The following LIN7C variants were observed in gnomAD, a reference collection of about 807,000 sequenced individuals.
The protein encoded by LIN7C is protein lin-7 homolog C.
In LIN7C, 17 loss-of-function variants were observed where a neutral mutation model predicts 24.7. The ratio of observed to expected loss-of-function variants is 0.69; its 90% CI spans 0.47 to 1.03. The LOEUF is 1.03. LIN7C is among the 50% of genes least tolerant of loss of function. LIN7C has a pLI of 0.00. For synonymous variants in LIN7C, 90 were observed against 83.4 expected, an observed-to-expected ratio of 1.08 and a Z score of -0.43; for missense variants, 204 against 239.0, an observed-to-expected ratio of 0.85 and a Z score of 0.97.
chr11:27,499,529 G>A lies in LIN7C; in HGVS notation c.268C>T (p.His90Tyr). The A allele has an allele frequency of 6.2e-7, 1 of 1,614,192 alleles. No homozygotes were observed. The highest frequency in any genetic ancestry group is 8.5e-7 in the Non-Finnish European group (1 of 1,180,040). Residue 90 changes from histidine (H) to tyrosine (Y), a missense_variant, in exon 4 of 5, where the codon CAT becomes TAT. By Grantham distance (83) the His-to-Tyr change is moderately conservative (BLOSUM62 2). Around this residue, in one of 3 missense-constraint regions of LIN7C, gnomAD observed 126 missense variants for 117.8 expected, o/e 1.07. Transcript: ENST00000278193. ...TTTGGTAGCTCAACAACTCGAGGAT[G>A]AGAATGTCCTTCACTGGCAGCAAAT... Reference protein sequence around the residue: ...AAFAASEGHSHPRVVELPKTE... With the variant: ...AAFAASEGHSYPRVVELPKTE...
intron 1 of LIN7C, 31 bp from the exon 2 acceptor site, chr11:27,501,951 C>T: frequency 1.4e-6 from 2 of 1,404,490 alleles, no homozygotes. Context: ...AGATAATTTT[C>T]TCCAAGGGTT....
intron 4 of LIN7C, 53 bp from the exon 5 acceptor site, chr11:27,498,857 A>G: frequency 6.7e-7 from 1 of 1,501,370 alleles, no homozygotes; most frequent in Non-Finnish European, 9.1e-7. Flanking sequence ...TTTTGAAAGT[A>G]ACTCAAAATG....
chr11:27,496,445 C>T lies in LIN7C; in HGVS notation c.*2204G>A, dbSNP rs934473877. 6.6e-6 allele frequency: 1 copy of T among 152,168 alleles called. No homozygotes were observed. The highest frequency in any genetic ancestry group is 2.4e-5 in the African/African-American group (1 of 41,432). 9.4% of individuals were successfully genotyped at this position (152,168 alleles called of 1,614,324 possible). On this transcript the variant is annotated 3_prime_UTR_variant, in exon 5 of 5. Transcript: ENST00000278193. ...CTCACTGCACTAAACCACCACTGTA[C>T]ATCTTTGCCAATGAATGACTGTATT...
intron 1 of LIN7C, among the ~76,000 whole-genome samples, chr11:27,505,259 G>A (rs1259131538): frequency 6.6e-6 from 1 of 152,178 alleles, no homozygotes; most frequent in Non-Finnish European, 1.5e-5. Flanking sequence ...TTGAACCCGG[G>A]AGGCAGAGGT....
At chr11:27,506,227 C>A (rs1347554873) in intron 1 of LIN7C, among the ~76,000 whole-genome samples, 2 of 152,210 alleles carry the variant, frequency 1.3e-5, no homozygotes, top group African/African-American at 4.8e-5. Context: ...CTAGCAAATA[C>A]CCCAACCCGA....
intron 1 of LIN7C, among the ~76,000 whole-genome samples, chr11:27,504,603 T>C (rs1287735751): frequency 1.3e-5 from 2 of 152,180 alleles, no homozygotes; most frequent in Non-Finnish European, 2.9e-5. Flanking sequence ...TTGGTAACAG[T>C]GGGGGATTCA....
chr11:27,501,786 A>T lies in LIN7C; in HGVS notation c.156+16T>A. ...ATTAACTCAAATTTTTGTAAATTTT[A>T]ATGATGTTTACTCACCTCTCTCACA... is the stretch of plus-strand genomic sequence containing the variant. On this transcript the variant is annotated intron_variant, in intron 2 of 4. Transcript: ENST00000278193. The T allele has an allele frequency of 6.6e-7, 1 of 1,505,144 alleles. No homozygotes were observed. The highest frequency in any genetic ancestry group is 9.2e-7 in the Non-Finnish European group (1 of 1,090,556). 93.2% of individuals were successfully genotyped at this position (1,505,144 alleles called of 1,614,324 possible). A position where few individuals can be genotyped will look rare whatever the true frequency, so the allele number is the denominator to read the frequency against.
intron 1 of LIN7C, 26 bp from the exon 2 acceptor site, chr11:27,501,946 A>T (rs777056794): frequency 1.4e-6 from 2 of 1,432,376 alleles, no homozygotes; most frequent in Non-Finnish European, 2.0e-6. Context: ...CACACAGATA[A>T]TTTTCTCCAA....
At chr11:27,504,678 T>C (rs780888947) in intron 1 of LIN7C, among the ~76,000 whole-genome samples, 1 of 152,186 alleles carries the variant, frequency 6.6e-6, no homozygotes. Flanking sequence ...TGATATAAAA[T>C]GATATAGTAT....
chr11:27,499,404 A>C lies in LIN7C; in HGVS notation c.393T>G (p.His131Gln). ...RIIPGGIADR[H>Q]GGLKRGDQLL... Reference sequence around the variant, plus strand: ...GTTGATCTCCACGTTTGAGGCCCCCATGTCTATCAGCAATTCCACCTGGAA... The same window carrying C: ...GTTGATCTCCACGTTTGAGGCCCCCCTGTCTATCAGCAATTCCACCTGGAA... The change falls in exon 4 of 5, where the codon CAT becomes CAG. Residue 131 changes from histidine to glutamine, a missense_variant. By Grantham distance (24) the His-to-Gln change is conservative. This residue lies in a region of LIN7C where 74 missense variants were observed against 99.6 expected (regional missense o/e 0.74). Coordinates refer to ENST00000278193, the MANE Select transcript of LIN7C (RefSeq NM_018362.4). 6.2e-7 allele frequency: 1 copy of C among 1,613,982 alleles called. No homozygotes were observed. The highest frequency in any genetic ancestry group is 8.5e-7 in the Non-Finnish European group (1 of 1,179,960).
At chr11:27,504,615 T>C (rs1443039020) in intron 1 of LIN7C, among the ~76,000 whole-genome samples, 1 of 152,210 alleles carries the variant, frequency 6.6e-6, no homozygotes, top group Non-Finnish European at 1.5e-5. Flanking sequence ...GGGGATTCAT[T>C]AGGACCTTCT....
At chr11:27,503,932 C>T (rs2133491193) in intron 1 of LIN7C, among the ~76,000 whole-genome samples, 1 of 152,236 alleles carries the variant, frequency 6.6e-6, no homozygotes, top group Non-Finnish European at 1.5e-5. Flanking sequence ...ATTCTCGTGC[C>T]TCAGTCTCCC....
rs532353717 is a variant in LIN7C at position 27,494,705 on chromosome 11, G to A, written c.*3944C>T. ...CACAAATTTTAAAAGTAGAAGCATAGCATTTGCCAGTTATTTTAAAAAACC... is the reference window on the plus strand; with the variant it reads ...CACAAATTTTAAAAGTAGAAGCATAACATTTGCCAGTTATTTTAAAAAACC... On this transcript the variant is annotated 3_prime_UTR_variant, in exon 5 of 5. Transcript: ENST00000278193. 5 of 152,132 alleles carry A rather than the reference G, an allele frequency of 3.3e-5. No homozygotes were observed. In the East Asian group the frequency reaches 9.6e-4, roughly 29 times the overall value. 9.4% of individuals were successfully genotyped at this position (152,132 alleles called of 1,614,324 possible).
intron 3 of LIN7C, 36 bp from the exon 4 acceptor site, chr11:27,499,604 T>C: frequency 6.4e-7 from 1 of 1,559,032 alleles, no homozygotes; most frequent in Non-Finnish European, 8.8e-7. Context: ...AATATGACTT[T>C]TATTTACTTC....
intron 1 of LIN7C, 149 bp downstream of exon 1, chr11:27,506,567 C>T: frequency 2.5e-6 from 2 of 815,264 alleles, no homozygotes; most frequent in Admixed American, 2.1e-5. Flanking sequence ...TTCCTAGAGC[C>T]AGGCACAGAG....
At position 27,495,296 on chromosome 11, in the gene LIN7C, T is replaced by A. The variant is rs1452092707; in HGVS notation, c.*3353A>T. ...TCCTGGCTAACACGGTGAAACCCCG[T>A]CTCTACTAAAAATACAAAAAAATTA... On this transcript the variant is annotated 3_prime_UTR_variant, in exon 5 of 5. Transcript: ENST00000278193. The A allele has an allele frequency of 6.6e-6, 1 of 152,150 alleles. No individual in the cohort carries two copies. Among genetic ancestry groups the A allele is most frequent in the East Asian group, 1.9e-4 (1 of 5,184 alleles). 9.4% of individuals were successfully genotyped at this position (152,150 alleles called of 1,614,324 possible).
At chr11:27,504,957 G>C (rs984349735) in intron 1 of LIN7C, among the ~76,000 whole-genome samples, 1 of 151,846 alleles carries the variant, frequency 6.6e-6, no homozygotes. Context: ...GAACAGAAAA[G>C]AAATCTGTAA....
At chr11:27,505,533 C>T (rs570646876) in intron 1 of LIN7C, among the ~76,000 whole-genome samples, 3 of 152,286 alleles carry the variant, frequency 2.0e-5, no homozygotes, top group Admixed American at 6.5e-5. Flanking sequence ...TAAAATGATG[C>T]TTTAATAGGC....
chr11:27,502,517 A>AT (rs568415451), intron 1 of LIN7C, among the ~76,000 whole-genome samples: 65 of 152,102 alleles, frequency 4.3e-4, no homozygotes, highest in South Asian at 1.5e-3. Flanking sequence ...AAATAAACTG[A>AT]TTTTTTTTCA....
Sources: gnomAD v4.1 joint callset for allele counts (sites outside exome capture counted in the v4.1 genomes callset) on GRCh38, gnomAD v4.1.1 for gene constraint, gnomAD v4.1.1 regional missense constraint, MANE v1.5 for transcripts, NCBI Gene and HGNC (gene_info 2026-07-23, HGNC 2026-07-21) for gene names.